Variants in ALLC observed in about 807,000 individuals in gnomAD.
The protein encoded by ALLC is probable inactive allantoicase.
Under a neutral mutation model 45.0 loss-of-function variants are expected in ALLC, and 40 were observed. The observed-to-expected ratio is 0.89, with a 90% CI of 0.69 to 1.16. The LOEUF (loss-of-function observed/expected upper bound fraction) is 1.16, where lower values mean the gene tolerates loss of function less well. Ranked by LOEUF, ALLC falls within the 50% of genes most tolerant of loss-of-function variation. The pLI, the probability that ALLC is intolerant of heterozygous loss-of-function variation, is 0.00. For missense variants in ALLC, 488 were observed against 493.1 expected (o/e 0.99, Z 0.10); for synonymous variants, 176 against 178.1 (o/e 0.99, Z 0.09).
chr2:3,651,153 G>A, the ALLC span, among the ~76,000 whole-genome samples: 1 of 152,010 alleles, frequency 6.6e-6, no homozygotes, highest in Non-Finnish European at 1.5e-5. Context: ...GCCTGGGGCT[G>A]CCCGGCGGTG....
the ALLC span, among the ~76,000 whole-genome samples, chr2:3,650,114 CAA>C: frequency 7.9e-5 from 12 of 152,246 alleles, no homozygotes; most frequent in South Asian, 2.1e-4. Flanking sequence ...TTGCAGAAAA[CAA>C]GAGCCGTTCG....
chr2:3,693,512 A>G (rs1406707746), intron 7 of ALLC, among the ~76,000 whole-genome samples: 1 of 152,244 alleles, frequency 6.6e-6, no homozygotes, highest in Non-Finnish European at 1.5e-5. Flanking sequence ...CTACAGACTG[A>G]GCATTGGCCA....
intron 2 of ALLC, among the ~76,000 whole-genome samples, chr2:3,673,312 G>T (rs2148000356): frequency 6.6e-6 from 1 of 152,344 alleles, no homozygotes; most frequent in East Asian, 1.9e-4. Flanking sequence ...GAGCCACAGA[G>T]AGATCTGGAG....
intron 4 of ALLC, 125 bp from the exon 5 acceptor site, chr2:3,679,744 G>GT (rs774251143): frequency 2.9e-6 from 4 of 1,382,260 alleles, no homozygotes; most frequent in Admixed American, 3.5e-5. Context: ...GCCCTGAACA[G>GT]TTTTTTCTGT....
chr2:3,656,737 G>C (rs918378120), upstream of ALLC, among the ~76,000 whole-genome samples: 2 of 151,832 alleles, frequency 1.3e-5, no homozygotes, highest in African/African-American at 4.9e-5. Context: ...CAGCTCGTAG[G>C]TGATTTGGAA....
intron 1 of ALLC, among the ~76,000 whole-genome samples, chr2:3,669,309 T>A (rs13410336): frequency 0.089 from 13,482 of 152,112 alleles, 736 homozygotes; most frequent in East Asian, 0.2. Context: ...CCGTCTCTAC[T>A]AAAAATACAA....
chr2:3,665,343 T>C (rs1005474980), intron 1 of ALLC, among the ~76,000 whole-genome samples: 4 of 152,162 alleles, frequency 2.6e-5, no homozygotes, highest in Non-Finnish European at 4.4e-5. Flanking sequence ...CTGGGATACA[T>C]GTGCGGATGT....
chr2:3,678,438 A>G, intron 3 of ALLC, 30 bp from the exon 4 acceptor site: 1 of 1,566,980 alleles, frequency 6.4e-7, no homozygotes, highest in Non-Finnish European at 8.8e-7. Context: ...ATGAATGTTA[A>G]TGATCACCTT....
At chr2:3,655,595 A>G (rs537731290), upstream of ALLC, among the ~76,000 whole-genome samples, 2 of 152,280 alleles carry the variant, frequency 1.3e-5, no homozygotes, top group Admixed American at 1.3e-4. Context: ...AGCTGGGAAT[A>G]CAGGTGTGTG....
At chr2:3,667,172 CT>C (rs1666746079) in intron 1 of ALLC, among the ~76,000 whole-genome samples, 1 of 152,162 alleles carries the variant, frequency 6.6e-6, no homozygotes, top group Non-Finnish European at 1.5e-5. Context: ...GCATCCACCC[CT>C]AAAGGGAGGT....
chr2:3,702,225 C>A lies in ALLC; in HGVS notation c.976-138C>A, dbSNP rs967044302. 8.9e-6 allele frequency: 6 copies of A among 677,496 alleles called. No individual in the cohort carries two copies. In the African/African-American group the frequency reaches 1.1e-4, roughly 12 times the overall value. The allele number at this position is 677,496 out of a possible 1,614,324, so 42.0% of individuals were successfully genotyped here. On this transcript the variant is annotated intron_variant, in intron 11 of 11. Coordinates refer to ENST00000252505, the MANE Select transcript of ALLC (RefSeq NM_018436.4). The stretch of plus-strand genomic sequence containing the variant: ...CTACTAGCAGATTTTCATGGAAAGC[C>A]CAATTATCATCAATTAATAACTTAT...
At chr2:3,691,122 C>G (rs1365432207) in intron 7 of ALLC, among the ~76,000 whole-genome samples, 1 of 152,082 alleles carries the variant, frequency 6.6e-6, no homozygotes, top group Non-Finnish European at 1.5e-5. Flanking sequence ...TCTTTCAGCA[C>G]TTTAAAATGT....
upstream of ALLC, among the ~76,000 whole-genome samples, chr2:3,657,449 C>G (rs1312647329): frequency 6.6e-6 from 1 of 151,646 alleles, no homozygotes; most frequent in African/African-American, 2.4e-5. Context: ...GCGCCATCTG[C>G]TGTGCTGGGT....
At chr2:3,693,010 C>A (rs1572529971) in intron 7 of ALLC, among the ~76,000 whole-genome samples, 3 of 152,214 alleles carry the variant, frequency 2.0e-5, no homozygotes, top group African/African-American at 7.2e-5. Context: ...GACAGCCCTG[C>A]AACCATGGGC....
intron 3 of ALLC, among the ~76,000 whole-genome samples, chr2:3,675,254 G>A (rs565434739): frequency 1.3e-5 from 2 of 152,022 alleles, no homozygotes; most frequent in South Asian, 4.1e-4. Flanking sequence ...TCCAGGCATG[G>A]CTATGTGTAC....
At position 3,678,480 on chromosome 2, in the gene ALLC, T is replaced by C. The variant is rs764315712; in HGVS notation, c.97T>C (p.Cys33Arg). 71 of 1,613,788 alleles carry C rather than the reference T, an allele frequency of 4.4e-5. No homozygotes were observed. The highest frequency in any genetic ancestry group is 6.0e-5 in the Non-Finnish European group (71 of 1,179,796). The change falls in exon 4 of 12, where the codon TGC becomes CGC. Residue 33 changes from cysteine to arginine, a missense_variant. Cys to Arg is a radical substitution (Grantham distance 180, BLOSUM62 -3). Coordinates refer to ENST00000252505, the MANE Select transcript of ALLC (RefSeq NM_018436.4). ...GTCTTTGCCCTAGAGTGACAGCCCG[T>C]GCTTCAAAGAGCATGAATATACGGA... Reference protein sequence around the residue: ...AENLIKSDSPCFKEHEYTEFG... With the variant: ...AENLIKSDSPRFKEHEYTEFG...
At chr2:3,662,353 G>T (rs1482824762) in intron 1 of ALLC, among the ~76,000 whole-genome samples, 1 of 152,204 alleles carries the variant, frequency 6.6e-6, no homozygotes, top group Non-Finnish European at 1.5e-5. Flanking sequence ...GCTCACCCAG[G>T]GTGGAAGTGT....
At chr2:3,666,503 G>A (rs1026309314) in intron 1 of ALLC, among the ~76,000 whole-genome samples, 4 of 151,746 alleles carry the variant, frequency 2.6e-5, no homozygotes, top group South Asian at 2.1e-4. Flanking sequence ...TCTGTAACCC[G>A]CCCACGCTGC....
At chr2:3,674,378 T>A (rs13409383) in intron 3 of ALLC, among the ~76,000 whole-genome samples, 6,493 of 152,312 alleles carry the variant, frequency 0.043, 195 homozygotes, top group Non-Finnish European at 0.063. Context: ...CAAATACTGC[T>A]CTTCTGGGTA....
Sources: allele counts gnomAD v4.1 joint callset (sites outside exome capture counted in the v4.1 genomes callset), GRCh38; gene constraint gnomAD v4.1.1; transcripts MANE v1.5; gene names NCBI Gene and HGNC (gene_info 2026-07-23, HGNC 2026-07-21).